Variants in FOXN1 observed in about 807,000 individuals in gnomAD.
The protein encoded by FOXN1 is forkhead box N1, also known as forkhead box protein N1.
FOXN1 carries 15 observed loss-of-function variants against 49.0 expected under a neutral mutation model. The observed-to-expected ratio is 0.31, with a 90% CI of 0.20 to 0.47. The LOEUF (loss-of-function observed/expected upper bound fraction) is 0.47, where lower values mean the gene tolerates loss of function less well. Among genes scored for constraint, FOXN1 ranks in the 20% least tolerant of loss-of-function variants. The pLI is 1.00. For missense variants in FOXN1, 800 were observed against 842.8 expected (o/e 0.95, Z 0.63); for synonymous variants, 356 against 369.0 (o/e 0.96, Z 0.40).
At chr17:28,512,822 A>G (rs1432065935) in intron 1 of FOXN1, among the ~76,000 whole-genome samples, 6 of 152,164 alleles carry the variant, frequency 3.9e-5, no homozygotes, top group Admixed American at 3.9e-4. Context: ...GAGGCAGACC[A>G]TGAATGACAC....
chr17:28,507,352 C>A (rs1414994129), intron 1 of FOXN1, among the ~76,000 whole-genome samples: 1 of 152,202 alleles, frequency 6.6e-6, no homozygotes, highest in Non-Finnish European at 1.5e-5. Flanking sequence ...GAAGAGTAGA[C>A]TCTAGCAAGT....
intron 1 of FOXN1, among the ~76,000 whole-genome samples, chr17:28,513,972 A>G (rs1279789970): frequency 6.6e-6 from 1 of 152,210 alleles, no homozygotes; most frequent in South Asian, 2.1e-4. Context: ...CTCCCTGCAG[A>G]AGGGATGAGT....
At position 28,537,244 on chromosome 17, in the gene FOXN1, C is replaced by G; in HGVS notation, c.1755C>G (p.Pro585=). The change falls in exon 9 of 9, where the codon CCC becomes CCG. Residue 585 remains proline, a synonymous_variant. Coordinates refer to ENST00000579795, the MANE Select transcript of FOXN1 (RefSeq NM_001369369.1). ...CACCTCACTGCTTCCCCCCTGGGCC[C>G]TGTCTGACAGAGACAGGCAGTGGGG... ...QPPPHCFPPG[P]CLTETGSGAG... The G allele has an allele frequency of 1.9e-6, 3 of 1,614,052 alleles. No individual in the cohort carries two copies. The South Asian group carries it at 3.3e-5, about 18-fold the overall frequency.
intron 1 of FOXN1, among the ~76,000 whole-genome samples, chr17:28,523,014 A>G (rs1307080087): frequency 6.6e-6 from 1 of 152,192 alleles, no homozygotes. Context: ...TTAGATGATG[A>G]CGCTGAAGTT....
rs1254480591 is a variant in FOXN1 at position 28,516,518 on chromosome 17, A to T, written c.-14-7438A>T. Among the ~76,000 whole-genome samples, 6 of 149,080 alleles carry T rather than the reference A, an allele frequency of 4.0e-5. No individual in the cohort carries two copies. In the South Asian group the frequency reaches 8.5e-4, roughly 21 times the overall value. On this transcript the variant is annotated intron_variant, in intron 1 of 8. Transcript: ENST00000579795. ...CACAGGATCCATACCGCCACAGAGT[A>T]CACACCTCCACAGGGTACACACCTC...
chr17:28,535,330 G>A (rs2070034873), intron 8 of FOXN1, 132 bp downstream of exon 8: 1 of 926,532 alleles, frequency 1.1e-6, no homozygotes, highest in Non-Finnish European at 1.6e-6. Context: ...AAGCAGAGGA[G>A]GCTGGACCTG....
Position 28,524,672 on chromosome 17 carries a change from A to G in FOXN1, c.293A>G (p.Lys98Arg). ...CCCTTCAGGCTCTCACCCTCAGACA[A>G]GTATCCTGGCTTTGGCTTTGAGGAG... ...PGPFRLSPSDKYPGFGFEEAA... is the reference protein window; with the variant it reads ...PGPFRLSPSDRYPGFGFEEAA... Residue 98 changes from lysine to arginine, a missense_variant, in exon 3 of 9, where the codon AAG (lysine) becomes AGG (arginine). Lys to Arg is a conservative substitution (Grantham distance 26). Around this residue, in one of 3 missense-constraint regions of FOXN1, gnomAD observed 383 missense variants for 357.9 expected, o/e 1.07. Coordinates refer to ENST00000579795, the MANE Select transcript of FOXN1 (RefSeq NM_001369369.1). 1.2e-6 allele frequency: 2 copies of G among 1,613,558 alleles called. No homozygotes were observed. Among genetic ancestry groups the G allele is most frequent in the Non-Finnish European group, 1.7e-6 (2 of 1,179,858 alleles).
intron 1 of FOXN1, among the ~76,000 whole-genome samples, chr17:28,510,580 G>GCACACACA (rs5819850): frequency 2.2e-5 from 3 of 138,082 alleles, no homozygotes; most frequent in South Asian, 2.4e-4. Context: ...GCACACACAC[G>GCACACACA]CACACACACA....
rs1194196623 is a variant in FOXN1 at position 28,537,388 on chromosome 17, C to T, written c.1899C>T (p.Gly633=). Residue 633 remains glycine, a synonymous_variant, in exon 9 of 9, where the codon GGC becomes GGT. Coordinates refer to ENST00000579795, the MANE Select transcript of FOXN1 (RefSeq NM_001369369.1). ...LEPTPPTAPA[G]PSVYLSPSSK... is the part of the protein sequence containing the mutation. The stretch of plus-strand genomic sequence containing the variant: ...CCACGCCCCCCACGGCCCCTGCAGG[C>T]CCCTCTGTGTACCTCAGCCCCAGCT... 3 of 1,612,936 alleles carry T rather than the reference C, an allele frequency of 1.9e-6. No homozygotes were observed. The highest frequency in any genetic ancestry group is 2.2e-5 in the South Asian group (2 of 91,080).
Position 28,535,033 on chromosome 17 carries a change from C to T in FOXN1, c.1462C>T (p.Pro488Ser). 1 of 1,613,296 alleles carries T rather than the reference C, an allele frequency of 6.2e-7. No homozygotes were observed. Among genetic ancestry groups the T allele is most frequent in the Non-Finnish European group, 8.5e-7 (1 of 1,179,580 alleles). ...TGAGCTGCGGGCCCAGCCAGGCACC[C>T]CCCAGGACTCGCCTCTGCCTGCCCA... is the stretch of plus-strand genomic sequence containing the variant. ...HLELRAQPGT[P>S]QDSPLPAHTP... is the part of the protein sequence containing the mutation. Residue 488 changes from proline to serine, a missense_variant, in exon 8 of 9, where the codon CCC becomes TCC. Around this residue, in one of 3 missense-constraint regions of FOXN1, gnomAD observed 344 missense variants for 366.1 expected, o/e 0.94. Coordinates refer to ENST00000579795, the MANE Select transcript of FOXN1 (RefSeq NM_001369369.1).
At chr17:28,515,431 C>T (rs1489204120) in intron 1 of FOXN1, among the ~76,000 whole-genome samples, 1 of 151,768 alleles carries the variant, frequency 6.6e-6, no homozygotes, top group Non-Finnish European at 1.5e-5. Flanking sequence ...GGTGTATACA[C>T]TTCCACAGGT....
rs528836565 is a variant in FOXN1, at chr17:28,538,062, G to C, written c.*626G>C. 1.4e-3 allele frequency: 222 copies of C among 157,228 alleles called. No individual in the cohort carries two copies. Among genetic ancestry groups the C allele is most frequent in the Non-Finnish European group, 2.2e-3 (154 of 70,820 alleles). The allele number at this position is 157,228 out of a possible 1,614,324, so 9.7% of individuals were successfully genotyped here. ...CTGGGTTGTCTGTGGACCCCCCCAGGAGCTGCTAATTGGCAGCACCCACTC... is the reference window on the plus strand; with the variant it reads ...CTGGGTTGTCTGTGGACCCCCCCAGCAGCTGCTAATTGGCAGCACCCACTC... On this transcript the variant is annotated 3_prime_UTR_variant, in exon 9 of 9. Transcript: ENST00000579795.
At chr17:28,530,356 A>G (rs2069881688) in intron 5 of FOXN1, among the ~76,000 whole-genome samples, 1 of 152,164 alleles carries the variant, frequency 6.6e-6, no homozygotes, top group African/African-American at 2.4e-5. Context: ...CATTCATGCA[A>G]TTGGCTGAGG....
At chr17:28,511,165 G>A (rs1321967128) in intron 1 of FOXN1, among the ~76,000 whole-genome samples, 2 of 152,198 alleles carry the variant, frequency 1.3e-5, no homozygotes, top group Non-Finnish European at 2.9e-5. Flanking sequence ...CTCACTTCAA[G>A]GCTTAGTAAG....
At chr17:28,529,259 G>A (rs2069849026) in intron 5 of FOXN1, 35 bp downstream of exon 5, 2 of 1,613,338 alleles carry the variant, frequency 1.2e-6, no homozygotes, top group East Asian at 4.5e-5. Flanking sequence ...GGGAGGAGGA[G>A]GGGAGTGAGA....
chr17:28,511,274 G>A (rs880552), intron 1 of FOXN1, among the ~76,000 whole-genome samples: 27,593 of 152,210 alleles, frequency 0.18, 2,655 homozygotes, highest in Middle Eastern at 0.24. Context: ...TGTATTATTA[G>A]TAGTGGTGGC....
intron 1 of FOXN1, among the ~76,000 whole-genome samples, chr17:28,510,345 C>G (rs556879866): frequency 1.3e-5 from 2 of 151,528 alleles, no homozygotes; most frequent in Non-Finnish European, 2.9e-5. Flanking sequence ...CATGCACACA[C>G]GCATACATAT....
At chr17:28,530,097 C>T (rs564873977) in intron 5 of FOXN1, among the ~76,000 whole-genome samples, 48 of 151,226 alleles carry the variant, frequency 3.2e-4, no homozygotes, top group African/African-American at 1.1e-3. Context: ...GACGGGTTGA[C>T]GGGTGTAGCA....
chr17:28,529,422 T>C (rs1445779868), intron 5 of FOXN1, among the ~76,000 whole-genome samples, 198 bp downstream of exon 5: 1 of 152,192 alleles, frequency 6.6e-6, no homozygotes, highest in Non-Finnish European at 1.5e-5. Context: ...ACCCTTTGTC[T>C]AAGCCTGGGG....
Sources: allele counts gnomAD v4.1 joint callset (sites outside exome capture counted in the v4.1 genomes callset), GRCh38; gene constraint gnomAD v4.1.1; regional missense constraint gnomAD v4.1.1; transcripts MANE v1.5; gene names NCBI Gene and HGNC (gene_info 2026-07-23, HGNC 2026-07-21).